The following KDM4C variants were observed in gnomAD, a reference collection of about 807,000 sequenced individuals.
The protein encoded by KDM4C is lysine demethylase 4C.
In KDM4C, 81 loss-of-function variants were observed where a neutral mutation model predicts 129.3. The ratio of observed to expected loss-of-function variants is 0.63; its 90% CI spans 0.52 to 0.75. KDM4C has a LOEUF of 0.75. Ranked by LOEUF, KDM4C falls within the 30% of genes least tolerant of loss-of-function variation. KDM4C has a pLI of 0.00. For synonymous variants in KDM4C, 573 were observed against 456.1 expected (o/e 1.26, Z -3.26); for missense variants, 1,457 against 1,304.0 (o/e 1.12, Z -1.81).
intron 17 of KDM4C, among the ~76,000 whole-genome samples, chr9:7,086,544 T>A (rs778181769): frequency 2.0e-5 from 3 of 152,144 alleles, no homozygotes; most frequent in Non-Finnish European, 2.9e-5. Flanking sequence ...TTCCAGTCCA[T>A]CTGCTCCTCC....
At chr9:6,905,391 G>A (rs1563790834) in intron 8 of KDM4C, among the ~76,000 whole-genome samples, 1 of 152,140 alleles carries the variant, frequency 6.6e-6, no homozygotes, top group East Asian at 1.9e-4. Flanking sequence ...GTCCTGAAAT[G>A]TCTAGATTGC....
chr9:6,734,321 T>G (rs574308537), intron 1 of KDM4C, among the ~76,000 whole-genome samples: 5 of 141,092 alleles, frequency 3.5e-5, no homozygotes, highest in African/African-American at 1.4e-4. Flanking sequence ...TTAGATGGAG[T>G]TTCGCTCTTG....
At chr9:6,827,489 T>C (rs1477330365) in intron 4 of KDM4C, among the ~76,000 whole-genome samples, 1 of 152,212 alleles carries the variant, frequency 6.6e-6, no homozygotes, top group South Asian at 2.1e-4. Context: ...ATTTAACCTA[T>C]AGACTTTTTT....
chr9:7,112,835 A>T (rs1263483988), intron 18 of KDM4C, among the ~76,000 whole-genome samples: 1 of 152,202 alleles, frequency 6.6e-6, no homozygotes, highest in Non-Finnish European at 1.5e-5. Flanking sequence ...GAATGGTGTC[A>T]TTTCCACAAA....
chr9:7,024,338 A>G (rs1438402426), intron 15 of KDM4C, among the ~76,000 whole-genome samples: 1 of 122,686 alleles, frequency 8.2e-6, no homozygotes, highest in Non-Finnish European at 1.7e-5. Flanking sequence ...TTGAATTTTT[A>G]AAATTATTAT....
chr9:6,765,066 T>G (rs2130511993), intron 1 of KDM4C, among the ~76,000 whole-genome samples: 1 of 152,310 alleles, frequency 6.6e-6, no homozygotes, highest in East Asian at 1.9e-4. Context: ...CAATGCATTA[T>G]CCTACCATTC....
intron 8 of KDM4C, among the ~76,000 whole-genome samples, chr9:6,960,667 C>T (rs1195486856): frequency 6.6e-6 from 1 of 152,160 alleles, no homozygotes; most frequent in Non-Finnish European, 1.5e-5. Flanking sequence ...CACACTGACA[C>T]AAATTTTCAT....
chr9:6,802,528 G>A (rs901778773), intron 2 of KDM4C, among the ~76,000 whole-genome samples: 1 of 152,238 alleles, frequency 6.6e-6, no homozygotes, highest in East Asian at 1.9e-4. Context: ...CCCATCAATG[G>A]TTATCAGTTT....
intron 1 of KDM4C, among the ~76,000 whole-genome samples, chr9:6,747,318 G>T (rs1777222321): frequency 1.3e-5 from 2 of 151,206 alleles, no homozygotes; most frequent in Admixed American, 6.6e-5. Context: ...GAGGCCGAGA[G>T]GGGCGGATCG....
chr9:6,721,060 T>TAAAGC, intron 1 of KDM4C: 1 of 1,375,546 alleles, frequency 7.3e-7, no homozygotes, highest in South Asian at 1.3e-5. Context: ...CTGTCACACT[T>TAAAGC]AAAGCAATGT....
At chr9:6,963,563 C>A (rs528954308) in intron 8 of KDM4C, among the ~76,000 whole-genome samples, 26 of 152,292 alleles carry the variant, frequency 1.7e-4, no homozygotes, top group African/African-American at 6.3e-4. Context: ...TAGATAAATA[C>A]AGTTGGTGCA....
intron 17 of KDM4C, among the ~76,000 whole-genome samples, chr9:7,091,910 C>G (rs967194679): frequency 2.6e-4 from 40 of 152,128 alleles, no homozygotes; most frequent in African/African-American, 9.4e-4. Context: ...GGTCTCAGAC[C>G]CTGGGCTCAG....
At chr9:6,918,641 T>C (rs1200287024) in intron 8 of KDM4C, among the ~76,000 whole-genome samples, 2 of 152,180 alleles carry the variant, frequency 1.3e-5, no homozygotes, top group Admixed American at 1.3e-4. Flanking sequence ...CTACCAGCAG[T>C]GTATGTGTTC....
At chr9:6,971,904 A>G (rs532118841) in intron 8 of KDM4C, among the ~76,000 whole-genome samples, 2 of 152,194 alleles carry the variant, frequency 1.3e-5, no homozygotes, top group African/African-American at 4.8e-5. Flanking sequence ...CATTGCTGGC[A>G]TTACTCTAGT....
chr9:6,859,473 CAAAAAAAAA>C (rs58056883), intron 5 of KDM4C, among the ~76,000 whole-genome samples: 2 of 47,846 alleles, frequency 4.2e-5, no homozygotes, highest in African/African-American at 1.6e-4. Context: ...GACTCTGTCT[CAAAAAAAAA>C]AAAAAAAAAA....
At chr9:7,101,610 GCAA>G (rs1305685801) in intron 17 of KDM4C, among the ~76,000 whole-genome samples, 40 of 152,164 alleles carry the variant, frequency 2.6e-4, no homozygotes, top group African/African-American at 9.4e-4. Flanking sequence ...CTGGAATAGG[GCAA>G]GTCCCTCCTT....
At chr9:7,020,305 C>T (rs1824559404) in intron 15 of KDM4C, among the ~76,000 whole-genome samples, 1 of 152,168 alleles carries the variant, frequency 6.6e-6, no homozygotes, top group African/African-American at 2.4e-5. Context: ...TCCTTGGATA[C>T]AGTTTATATA....
At chr9:6,819,000 T>C (rs909693860) in intron 4 of KDM4C, 5 of 152,210 alleles carry the variant, frequency 3.3e-5, no homozygotes, top group Non-Finnish European at 7.3e-5. Context: ...GAGAAGAAGG[T>C]TGAGCTGATG....
chr9:7,143,804 ATCTG>A (rs1440463690), intron 19 of KDM4C, among the ~76,000 whole-genome samples: 11 of 152,298 alleles, frequency 7.2e-5, no homozygotes, highest in Non-Finnish European at 8.8e-5. Flanking sequence ...CATCTTAGCT[ATCTG>A]TCTGTCATTT....
Sources: allele counts gnomAD v4.1 joint callset (sites outside exome capture counted in the v4.1 genomes callset), GRCh38; gene constraint gnomAD v4.1.1; transcripts MANE v1.5; gene names NCBI Gene and HGNC (gene_info 2026-07-23, HGNC 2026-07-21).